Variants in LGR6 observed in about 807,000 individuals in gnomAD.
The protein encoded by LGR6 is leucine-rich repeat-containing G protein-coupled receptor 6.
In LGR6, 45 loss-of-function variants were observed where a neutral mutation model predicts 69.4. The ratio of observed to expected loss-of-function variants is 0.65; its 90% confidence interval spans 0.51 to 0.83. The LOEUF is 0.83. Among genes scored for constraint, LGR6 ranks in the 40% least tolerant of loss-of-function variants. LGR6 has a pLI of 0.00. For missense variants in LGR6, 1,108 were observed against 1,246.7 expected (o/e 0.89, Z 1.68); for synonymous variants, 538 against 555.0 (o/e 0.97, Z 0.43).
intron 4 of LGR6, among the ~76,000 whole-genome samples, chr1:202,276,081 G>A (rs557912699): frequency 3.9e-5 from 6 of 152,286 alleles, no homozygotes; most frequent in East Asian, 3.9e-4. Flanking sequence ...GCAACAGAGC[G>A]AGACTCTGTC....
intron 4 of LGR6, among the ~76,000 whole-genome samples, chr1:202,271,507 A>G (rs988657290): frequency 5.3e-5 from 8 of 152,006 alleles, no homozygotes; most frequent in Admixed American, 2.6e-4. Flanking sequence ...CAGGTGTCCA[A>G]CCAGAAAATA....
chr1:202,289,072 T>C (rs2148213130), intron 6 of LGR6, among the ~76,000 whole-genome samples: 1 of 152,228 alleles, frequency 6.6e-6, no homozygotes, highest in East Asian at 1.9e-4. Flanking sequence ...GTATGAAGTG[T>C]CACAAAATGT....
intron 4 of LGR6, 89 bp downstream of exon 4, chr1:202,236,082 C>T: frequency 9.4e-7 from 1 of 1,063,720 alleles, no homozygotes; most frequent in Non-Finnish European, 1.4e-6. Flanking sequence ...TTTCCCTTCC[C>T]TCTGCAGGCG....
At chr1:202,293,137 A>G (rs999998453) in intron 6 of LGR6, among the ~76,000 whole-genome samples, 1 of 152,224 alleles carries the variant, frequency 6.6e-6, no homozygotes, top group Non-Finnish European at 1.5e-5. Flanking sequence ...ATGTTATCAT[A>G]TGGATGACTT....
At chr1:202,227,807 C>A in intron 2 of LGR6, 129 bp from the exon 3 acceptor site, 1 of 676,554 alleles carries the variant, frequency 1.5e-6, no homozygotes, top group Non-Finnish European at 2.7e-6. Flanking sequence ...TTAAACGCAT[C>A]GTAGATTTCA....
chr1:202,247,437 G>T (rs553547569), intron 4 of LGR6, among the ~76,000 whole-genome samples: 1 of 152,324 alleles, frequency 6.6e-6, no homozygotes, highest in Middle Eastern at 3.4e-3. Context: ...ATCATTATCA[G>T]CTGTCCATAG....
chr1:202,318,444 C>T lies in LGR6; in HGVS notation c.2141C>T (p.Ser714Phe). ...PLASVGEYGA[S>F]PLCLPYAPPE... ...GCCTCAGTGGGAGAATACGGGGCCT[C>T]CCCACTCTGCCTGCCCTACGCGCCA... Residue 714 changes from serine (S) to phenylalanine (F), a missense_variant, in exon 18 of 18, where the codon TCC becomes TTC. By Grantham distance (155) the Ser-to-Phe change is radical. Transcript: ENST00000367278. The T allele has an allele frequency of 6.2e-7, 1 of 1,612,360 alleles. No individual in the cohort carries two copies. Among genetic ancestry groups the T allele is most frequent in the Non-Finnish European group, 8.5e-7 (1 of 1,179,472 alleles).
intron 4 of LGR6, among the ~76,000 whole-genome samples, chr1:202,254,164 T>C (rs181123225): frequency 2.0e-5 from 3 of 152,266 alleles, no homozygotes; most frequent in African/African-American, 7.2e-5. Flanking sequence ...GCCAGGATGG[T>C]CTCCATCTCC....
chr1:202,203,871 G>C (rs753655224), intron 1 of LGR6: 1 of 1,612,658 alleles, frequency 6.2e-7, no homozygotes, highest in African/African-American at 1.3e-5. Flanking sequence ...AATCATCTCT[G>C]CCCGGTGAGT....
chr1:202,314,743 G>C, intron 16 of LGR6, 59 bp from the exon 17 acceptor site: 1 of 1,220,886 alleles, frequency 8.2e-7, no homozygotes, highest in Non-Finnish European at 1.2e-6. Context: ...TTTGGAGAAA[G>C]GTAGGGCTTG....
chr1:202,299,120 C>T (rs534002124), intron 7 of LGR6, among the ~76,000 whole-genome samples: 1 of 152,046 alleles, frequency 6.6e-6, no homozygotes, highest in African/African-American at 2.4e-5. Flanking sequence ...ATCAGCCCAG[C>T]GTAGTAGTGC....
chr1:202,310,322 C>T lies in LGR6; in HGVS notation c.1532C>T (p.Pro511Leu), dbSNP rs1258239012. ...GATGATGAGGAGTCTTCAAAAAGGC[C>T]CCTGGGCCTCCTTGCCAGACAAGCA... is the stretch of plus-strand genomic sequence containing the variant. ...HLDDEESSKR[P>L]LGLLARQAEN... is the part of the protein sequence containing the mutation. Residue 511 changes from proline (P) to leucine (L), a missense_variant, in exon 16 of 18, where the codon CCC becomes CTC. Pro to Leu is a moderately conservative substitution (Grantham distance 98). Transcript: ENST00000367278. The T allele has an allele frequency of 6.8e-6, 11 of 1,613,686 alleles. No homozygotes were observed. Among genetic ancestry groups the T allele is most frequent in the Admixed American group, 6.7e-5 (4 of 59,978 alleles).
chr1:202,295,914 T>A (rs896899607), intron 6 of LGR6, among the ~76,000 whole-genome samples: 102 of 137,208 alleles, frequency 7.4e-4, no homozygotes, highest in East Asian at 3.1e-3. Context: ...TGTGTGTGTG[T>A]GACAATTATC....
intron 4 of LGR6, among the ~76,000 whole-genome samples, chr1:202,267,823 G>A (rs1042215787): frequency 6.6e-6 from 1 of 152,142 alleles, no homozygotes; most frequent in East Asian, 1.9e-4. Flanking sequence ...TAAGCACAAG[G>A]CTGGCATAAT....
At chr1:202,217,465 C>CAA (rs55899544) in intron 1 of LGR6, among the ~76,000 whole-genome samples, 7 of 151,744 alleles carry the variant, frequency 4.6e-5, no homozygotes, top group Non-Finnish European at 5.9e-5. Context: ...AAACAAAAAA[C>CAA]AAAAAACCCC....
At chr1:202,262,321 C>A (rs970351970) in intron 4 of LGR6, among the ~76,000 whole-genome samples, 1 of 152,190 alleles carries the variant, frequency 6.6e-6, no homozygotes, top group Non-Finnish European at 1.5e-5. Flanking sequence ...CATATGTTTT[C>A]CCAGCATCAT....
chr1:202,233,828 C>G (rs1464020067), intron 3 of LGR6, among the ~76,000 whole-genome samples: 2 of 152,184 alleles, frequency 1.3e-5, no homozygotes, highest in African/African-American at 4.8e-5. Flanking sequence ...TCCACACAAT[C>G]AGTGAATGAG....
rs118133715 is a variant in LGR6 at position 202,311,849 on chromosome 1, A to G, written c.1567+1492A>G. Among the ~76,000 whole-genome samples, 195 of 152,164 alleles carry G rather than the reference A, an allele frequency of 1.3e-3. 4 individuals are homozygous for G. In the East Asian group the frequency reaches 0.034, roughly 27 times the overall value. On this transcript the variant is annotated intron_variant, in intron 16 of 17. Transcript: ENST00000367278. ...TCCGGGGCACAGTGTATGGAGGGCAAATGGTGGGCAGGCAACCTGGGGGTC... is the reference window on the plus strand; with the variant it reads ...TCCGGGGCACAGTGTATGGAGGGCAGATGGTGGGCAGGCAACCTGGGGGTC...
intron 5 of LGR6, 47 bp downstream of exon 5, chr1:202,276,568 C>T (rs755126979): frequency 9.6e-6 from 14 of 1,450,914 alleles, no homozygotes; most frequent in Non-Finnish European, 1.3e-5. Flanking sequence ...CTGCTGGGGG[C>T]TGGGGGCTGC....
Sources: gnomAD v4.1 joint callset for allele counts (sites outside exome capture counted in the v4.1 genomes callset) on GRCh38, gnomAD v4.1.1 for gene constraint, MANE v1.5 for transcripts, NCBI Gene and HGNC (gene_info 2026-07-23, HGNC 2026-07-21) for gene names.